NCSTN: variants seen among roughly 807,000 people sequenced by gnomAD.
The protein encoded by NCSTN is anterior pharynx-defective 2.
Under a neutral mutation model 87.0 loss-of-function variants are expected in NCSTN, and 22 were observed. That is an observed-to-expected ratio of 0.25 (90% CI 0.18 to 0.36). NCSTN has a LOEUF of 0.36. NCSTN is among the 10% of genes least tolerant of loss of function. NCSTN has a pLI of 1.00. For missense variants in NCSTN, 693 were observed against 883.3 expected (o/e 0.78, Z 2.73); for synonymous variants, 306 against 327.1 (o/e 0.94, Z 0.69).
chr1:160,353,820 TAAGTG>T, intron 10 of NCSTN: 4 of 739,342 alleles, frequency 5.4e-6, no homozygotes, highest in Non-Finnish European at 6.6e-6. Context: ...CAATAAATAA[TAAGTG>T]AAGCATCCAC....
At chr1:160,343,954 GTTT>G (rs35301624) in intron 1 of NCSTN, 1,526 of 152,168 alleles carry the variant, frequency 0.01, 17 homozygotes, top group African/African-American at 0.031. Flanking sequence ...CTTGCCTCAG[GTTT>G]TTTTTTTTTT....
At chr1:160,351,828 G>C in intron 7 of NCSTN, 23 bp downstream of exon 7, 1 of 1,566,562 alleles carries the variant, frequency 6.4e-7, no homozygotes. Flanking sequence ...TTCTGATCAG[G>C]ATGGGCAGGG....
At position 160,358,221 on chromosome 1, in the gene NCSTN, G is replaced by A. The variant is rs2101912217; in HGVS notation, c.2080G>A (p.Ala694Thr). The change falls in exon 17 of 17, where the codon GCT becomes ACT. Residue 694 changes from alanine (A) to threonine (T), a missense_variant. Ala to Thr is a moderately conservative substitution (Grantham distance 58, BLOSUM62 0). Around this residue, in one of 4 missense-constraint regions of NCSTN, gnomAD observed 216 missense variants for 311.7 expected, o/e 0.69. Coordinates refer to ENST00000294785, the MANE Select transcript of NCSTN (RefSeq NM_015331.3). ...LIVTYCINAK[A>T]DVLFIAPREP... Reference sequence around the variant, plus strand: ...CGTCACCTACTGCATCAATGCCAAAGCTGATGTCCTTTTCATTGCTCCCCG... The same window carrying A: ...CGTCACCTACTGCATCAATGCCAAAACTGATGTCCTTTTCATTGCTCCCCG... The A allele has an allele frequency of 6.2e-7, 1 of 1,614,098 alleles. No individual in the cohort carries two copies. The highest frequency in any genetic ancestry group is 8.5e-7 in the Non-Finnish European group (1 of 1,180,026).
At chr1:160,350,586 CCA>C (rs1648783675) in intron 5 of NCSTN, among the ~76,000 whole-genome samples, 1 of 152,096 alleles carries the variant, frequency 6.6e-6, no homozygotes, top group African/African-American at 2.4e-5. Flanking sequence ...CATTCTTTCC[CCA>C]CATTTTGCTC....
At chr1:160,354,324 C>A in intron 11 of NCSTN, 34 bp downstream of exon 11, 4 of 1,604,034 alleles carry the variant, frequency 2.5e-6, no homozygotes, top group Non-Finnish European at 3.4e-6. Context: ...CCTCTTCATT[C>A]TTGAAGAGAG....
chr1:160,352,762 T>G, intron 8 of NCSTN, 125 bp from the exon 9 acceptor site: 1 of 762,462 alleles, frequency 1.3e-6, no homozygotes, highest in East Asian at 2.7e-5. Context: ...GACTGTAAGC[T>G]GACTAGCAGT....
At chr1:160,353,786 T>C in intron 10 of NCSTN, 1 of 903,134 alleles carries the variant, frequency 1.1e-6, no homozygotes, top group Non-Finnish European at 1.3e-6. Context: ...TTTTCTATTA[T>C]TATTTGCTCC....
intron 13 of NCSTN, 94 bp downstream of exon 13, chr1:160,356,052 A>G (rs1193173862): frequency 8.2e-7 from 1 of 1,220,520 alleles, no homozygotes; most frequent in Non-Finnish European, 1.2e-6. Context: ...GGAATTCCAC[A>G]TGACTGTTGA....
Position 160,358,334 on chromosome 1 carries a change from G to C in NCSTN, c.*63G>C. The stretch of plus-strand genomic sequence containing the variant: ...CTTCCTAGAGCATCTGTCCCACTGG[G>C]ACACAACCACTAATTTGTCACTGGA... On this transcript the variant is annotated 3_prime_UTR_variant, in exon 17 of 17. Transcript: ENST00000294785. The C allele has an allele frequency of 1.9e-6, 3 of 1,609,722 alleles. No homozygotes were observed. Among genetic ancestry groups the C allele is most frequent in the Non-Finnish European group, 2.5e-6 (3 of 1,178,346 alleles).
chr1:160,347,013 G>A, intron 2 of NCSTN, among the ~76,000 whole-genome samples: 1 of 152,200 alleles, frequency 6.6e-6, no homozygotes, highest in East Asian at 1.9e-4. Flanking sequence ...AGTACAGAAG[G>A]CCAGGACCCC....
intron 13 of NCSTN, 33 bp from the exon 14 acceptor site, chr1:160,356,227 C>T (rs757665712): frequency 6.5e-7 from 1 of 1,542,068 alleles, no homozygotes; most frequent in African/African-American, 1.4e-5. Flanking sequence ...CTTCAAGTCA[C>T]AGGGTTTTCT....
intron 11 of NCSTN, 85 bp downstream of exon 11, chr1:160,354,375 T>C: frequency 7.1e-7 from 1 of 1,413,336 alleles, no homozygotes; most frequent in Non-Finnish European, 1.0e-6. Context: ...GCCCTCCGCT[T>C]TCCCACACTA....
chr1:160,351,521 A>G (rs1424678774), intron 6 of NCSTN, 149 bp downstream of exon 6: 1 of 1,342,814 alleles, frequency 7.4e-7, no homozygotes, highest in African/African-American at 1.4e-5. Context: ...ATTCTGAAAA[A>G]TTTAGGCAGC....
In NCSTN at chr1:160,343,389, G is replaced by A. The variant is rs1051924447; in HGVS notation, c.-8G>A. 1.9e-6 allele frequency: 3 copies of A among 1,613,084 alleles called. No individual in the cohort carries two copies. Among genetic ancestry groups the A allele is most frequent in the Non-Finnish European group, 2.5e-6 (3 of 1,179,690 alleles). On this transcript the variant is annotated 5_prime_UTR_variant, in exon 1 of 17. Coordinates refer to ENST00000294785, the MANE Select transcript of NCSTN (RefSeq NM_015331.3). ...CGAACGGGGGCTTCCGCTCAGCAGA[G>A]AGGCAAGATGGCTACGGCAGGGGGT...
intron 2 of NCSTN, chr1:160,345,106 AAAACTT>A (rs554119218): frequency 2.0e-5 from 10 of 510,008 alleles, no homozygotes; most frequent in Non-Finnish European, 3.5e-5. Context: ...TGATGAAACT[AAAACTT>A]AAAGAAGTTG....
intron 1 of NCSTN, chr1:160,344,472 T>C: frequency 6.6e-7 from 1 of 1,515,756 alleles, no homozygotes; most frequent in South Asian, 1.3e-5. Context: ...TTTCTCTCTT[T>C]TAGTGTCACT....
At chr1:160,343,784 C>T in intron 1 of NCSTN, 2 of 638,030 alleles carry the variant, frequency 3.1e-6, no homozygotes, top group South Asian at 1.5e-5. Context: ...GCCACCCACC[C>T]CACAGTCGAA....
In NCSTN at chr1:160,352,874, C is replaced by T. The variant is rs1175830225; in HGVS notation, c.997-13C>T. The T allele has an allele frequency of 1.2e-6, 2 of 1,606,906 alleles. No individual in the cohort carries two copies. The highest frequency in any genetic ancestry group is 8.5e-7 in the Non-Finnish European group (1 of 1,173,394). On this transcript the variant is annotated splice_polypyrimidine_tract_variant and intron_variant, in intron 8 of 16. Coordinates refer to ENST00000294785, the MANE Select transcript of NCSTN (RefSeq NM_015331.3). ...AATCTCTGTTCCCCCTCCCACCTACCTCCATCTCTCAGGAAACTTTTGACT... is the reference window on the plus strand; with the variant it reads ...AATCTCTGTTCCCCCTCCCACCTACTTCCATCTCTCAGGAAACTTTTGACT...
intron 11 of NCSTN, 105 bp from the exon 12 acceptor site, chr1:160,355,550 T>C: frequency 2.4e-6 from 2 of 843,724 alleles, no homozygotes; most frequent in East Asian, 4.9e-5. Context: ...TTTCTTCTGA[T>C]GCTGAAAATG....
Sources: gnomAD v4.1 joint callset for allele counts (sites outside exome capture counted in the v4.1 genomes callset) on GRCh38, gnomAD v4.1.1 for gene constraint, gnomAD v4.1.1 regional missense constraint, MANE v1.5 for transcripts, NCBI Gene and HGNC (gene_info 2026-07-23, HGNC 2026-07-21) for gene names.